Variants in NDRG4 observed in about 807,000 individuals in gnomAD.
NDRG4 encodes the protein protein NDRG4.
Under a neutral mutation model 55.8 loss-of-function variants are expected in NDRG4, and 38 were observed. The observed-to-expected ratio is 0.68, with a 90% CI of 0.53 to 0.89. The LOEUF is 0.89. Among genes scored for constraint, NDRG4 ranks in the 40% least tolerant of loss-of-function variants. The probability of loss-of-function intolerance (pLI) is 0.00; values close to 1 mark genes in which losing one functional copy is unlikely to be tolerated. For missense variants in NDRG4, 455 were observed against 468.6 expected (o/e 0.97, Z 0.27); for synonymous variants, 190 against 182.7 (o/e 1.04, Z -0.32).
chr16:58,499,872 G>A (rs2151765146), upstream of NDRG4: 1 of 398,222 alleles, frequency 2.5e-6, no homozygotes, highest in Non-Finnish European at 4.8e-6. Flanking sequence ...CGTGTGAGCT[G>A]CAGCTGTTGG....
rs748988290 is a variant in NDRG4 at position 58,507,993 on chromosome 16, C to T, written c.723C>T (p.Asp241=). 1.3e-4 allele frequency: 192 copies of T among 1,534,824 alleles called. No homozygotes were observed. Among genetic ancestry groups the T allele is most frequent in the Middle Eastern group, 7.0e-4 (4 of 5,716 alleles). The change falls in exon 10 of 15, where the codon GAC becomes GAT. Residue 241 remains aspartate (D), a synonymous_variant. Coordinates refer to ENST00000570248, the MANE Select transcript of NDRG4 (RefSeq NM_001242835.2). The stretch of plus-strand genomic sequence containing the variant: ...TTGGGGATAATGCACCCGCTGAGGA[C>T]GGGGTGGTAAGTGAGGGGCTGTGGG... ...LVVGDNAPAE[D]GVVECNSKLD...
At chr16:58,503,649 C>G (rs1382192322) in intron 1 of NDRG4, 149 bp from the exon 2 acceptor site, 1 of 1,493,748 alleles carries the variant, frequency 6.7e-7, no homozygotes, top group Admixed American at 2.0e-5. Context: ...TCAGTCCTCT[C>G]TGGGGGCTTC....
chr16:58,511,486 G>C lies in NDRG4; in HGVS notation c.969G>C (p.Ser323=), dbSNP rs199672622. 9.3e-6 allele frequency: 15 copies of C among 1,612,908 alleles called. No individual in the cohort carries two copies. The change falls in exon 15 of 15, where the codon TCG becomes TCC. Residue 323 remains serine, a synonymous_variant. Coordinates refer to ENST00000570248, the MANE Select transcript of NDRG4 (RefSeq NM_001242835.2). ...SRTASLTSAS[S]VDGSRPQACT... is the part of the protein sequence containing the mutation. ...CTGCATCCCTCACCAGTGCCAGCTC[G>C]GTGGATGGCAGCCGCCCACAGGCCT...
intron 1 of NDRG4, among the ~76,000 whole-genome samples, chr16:58,477,364 A>C (rs2033808544): frequency 6.6e-6 from 1 of 152,156 alleles, no homozygotes; most frequent in East Asian, 1.9e-4. Flanking sequence ...GAGGCAGAGA[A>C]AGTACAAGAT....
chr16:58,507,769 G>A (rs781265630), intron 8 of NDRG4, 39 bp from the exon 9 acceptor site: 23 of 1,603,830 alleles, frequency 1.4e-5, no homozygotes, highest in Non-Finnish European at 2.0e-5. Context: ...CTGTCCTGGG[G>A]TGCCCACCTC....
At chr16:58,486,500 C>T (rs2035096787) in intron 1 of NDRG4, among the ~76,000 whole-genome samples, 1 of 151,572 alleles carries the variant, frequency 6.6e-6, no homozygotes, top group African/African-American at 2.4e-5. Flanking sequence ...TCTTTGACTT[C>T]TAGTGAGCTT....
intron 2 of NDRG4, among the ~76,000 whole-genome samples, chr16:58,488,395 C>G (rs1176703916): frequency 6.6e-6 from 1 of 152,216 alleles, no homozygotes; most frequent in Non-Finnish European, 1.5e-5. Flanking sequence ...GCCAGAGTGA[C>G]TTTCATGCCA....
At chr16:58,476,035 G>C (rs894263565) in intron 1 of NDRG4, among the ~76,000 whole-genome samples, 15 of 152,120 alleles carry the variant, frequency 9.9e-5, no homozygotes, top group South Asian at 4.2e-4. Context: ...GACCTCAAGT[G>C]ATCCACCTGC....
At chr16:58,479,576 G>A (rs1306549519) in intron 1 of NDRG4, among the ~76,000 whole-genome samples, 1 of 152,236 alleles carries the variant, frequency 6.6e-6, no homozygotes, top group Non-Finnish European at 1.5e-5. Flanking sequence ...CAGCATGAGT[G>A]TGTGCCCACT....
upstream of NDRG4, among the ~76,000 whole-genome samples, chr16:58,496,516 G>A (rs549001818): frequency 4.6e-3 from 700 of 152,194 alleles, 10 homozygotes; most frequent in African/African-American, 0.016. Flanking sequence ...TATGGCAGGC[G>A]TTGTCACTGT....
intron 14 of NDRG4, chr16:58,511,106 CG>C: frequency 2.1e-6 from 1 of 478,528 alleles, no homozygotes; most frequent in South Asian, 3.1e-5. Context: ...CACCGCTCCG[CG>C]TCCTCCTTTA....
At chr16:58,497,940 C>G (rs1459725973), upstream of NDRG4, among the ~76,000 whole-genome samples, 1 of 151,986 alleles carries the variant, frequency 6.6e-6, no homozygotes, top group African/African-American at 2.4e-5. Flanking sequence ...CAATTAGAAG[C>G]CTGAGACACA....
chr16:58,502,001 C>T (rs1257972713), intron 1 of NDRG4: 3 of 456,006 alleles, frequency 6.6e-6, no homozygotes, highest in South Asian at 3.1e-5. Flanking sequence ...AGAGAACTCA[C>T]AGGTGGCTGT....
chr16:58,468,533 CA>C (rs369072575), intron 1 of NDRG4, among the ~76,000 whole-genome samples: 1 of 152,264 alleles, frequency 6.6e-6, no homozygotes, highest in African/African-American at 2.4e-5. Flanking sequence ...CCAGCCTGGT[CA>C]ACATGGCGAA....
intron 1 of NDRG4, among the ~76,000 whole-genome samples, chr16:58,503,323 C>T (rs993545480): frequency 3.9e-5 from 6 of 151,900 alleles, no homozygotes; most frequent in East Asian, 1.9e-4. Flanking sequence ...GGGGCAGTGC[C>T]GGGGTCGGGG....
intron 3 of NDRG4, 24 bp downstream of exon 3, chr16:58,504,298 C>T (rs1337512520): frequency 6.2e-7 from 1 of 1,614,042 alleles, no homozygotes; most frequent in East Asian, 2.2e-5. Context: ...GCCCCCTCTG[C>T]CTGTCTCCAG....
At position 58,464,730 on chromosome 16, in the gene NDRG4, C is replaced by G; in HGVS notation, c.-24+933C>G. 7.9e-7 allele frequency: 1 copy of G among 1,263,142 alleles called. No individual in the cohort carries two copies. Among genetic ancestry groups the G allele is most frequent in the Non-Finnish European group, 1.0e-6 (1 of 1,002,898 alleles). The allele number at this position is 1,263,142 out of a possible 1,614,324, so 78.2% of individuals were successfully genotyped here. On this transcript the variant is annotated intron_variant, in intron 1 of 15. Coordinates refer to the NDRG4 transcript ENST00000258187. The surrounding 1 kb of genome is among the most constrained non-coding windows in gnomAD (Gnocchi z 4.8). ...CCCATGGGGTCTCTGACCAGCGGAG[C>G]TCGGATTAGGACCCTGAAAGCTAGC...
At chr16:58,465,122 G>A in intron 1 of NDRG4, 1 of 1,286,362 alleles carries the variant, frequency 7.8e-7, no homozygotes, top group South Asian at 1.2e-5. Context: ...TGACTTCTGT[G>A]TTCTCCCCGG....
intron 1 of NDRG4, among the ~76,000 whole-genome samples, chr16:58,469,175 A>G (rs1190428767): frequency 1.3e-5 from 2 of 152,198 alleles, no homozygotes; most frequent in South Asian, 2.1e-4. Flanking sequence ...GTTGACCCAC[A>G]TTTTACATAC....
Sources: allele counts gnomAD v4.1 joint callset (sites outside exome capture counted in the v4.1 genomes callset), GRCh38; gene constraint gnomAD v4.1.1; non-coding constraint Gnocchi (gnomAD v3.1); transcripts MANE v1.5; gene names NCBI Gene and HGNC (gene_info 2026-07-23, HGNC 2026-07-21).